Variants in NTNG1 observed in about 807,000 individuals in gnomAD.
The protein encoded by NTNG1 is netrin-G1.
Under a neutral mutation model 54.0 loss-of-function variants are expected in NTNG1, and 16 were observed. That is an observed-to-expected ratio of 0.30 (90% CI 0.20 to 0.45). NTNG1 has a LOEUF of 0.45. Among genes scored for constraint, NTNG1 ranks in the 20% least tolerant of loss-of-function variants. The pLI, the probability that NTNG1 is intolerant of heterozygous loss-of-function variation, is 1.00. For synonymous variants in NTNG1, 255 were observed against 263.1 expected (o/e 0.97, Z 0.30); for missense variants, 530 against 678.7 (o/e 0.78, Z 2.43).
chr1:107,211,025 G>A (rs534013713), intron 2 of NTNG1, among the ~76,000 whole-genome samples: 17 of 152,060 alleles, frequency 1.1e-4, no homozygotes, highest in African/African-American at 1.9e-4. Context: ...GTCTCTGAAC[G>A]TGCACTGTAC....
intron 2 of NTNG1, among the ~76,000 whole-genome samples, chr1:107,291,840 T>C (rs1665624786): frequency 1.3e-5 from 2 of 152,188 alleles, no homozygotes; most frequent in African/African-American, 4.8e-5. Flanking sequence ...AAATTTAAAC[T>C]CTGTTACATC....
At chr1:107,454,963 T>C (rs1386916318) in intron 7 of NTNG1, among the ~76,000 whole-genome samples, 5 of 152,148 alleles carry the variant, frequency 3.3e-5, no homozygotes, top group Non-Finnish European at 5.9e-5. Flanking sequence ...AGGTGCTACG[T>C]GTGAGCACAG....
chr1:107,389,472 AG>A (rs1406894773), intron 3 of NTNG1, among the ~76,000 whole-genome samples: 3 of 152,244 alleles, frequency 2.0e-5, no homozygotes, highest in Admixed American at 2.0e-4. Context: ...ACCTACTGGC[AG>A]GTGGCACAGA....
intron 2 of NTNG1, among the ~76,000 whole-genome samples, chr1:107,210,788 C>T (rs1378178917): frequency 1.3e-5 from 2 of 152,134 alleles, no homozygotes; most frequent in East Asian, 1.9e-4. Flanking sequence ...TTTGGCCTCC[C>T]TGTGCCTCTT....
At chr1:107,347,882 C>T (rs1669347522) in intron 3 of NTNG1, among the ~76,000 whole-genome samples, 1 of 152,052 alleles carries the variant, frequency 6.6e-6, no homozygotes, top group South Asian at 2.1e-4. Flanking sequence ...AACTCCCTCA[C>T]TATCATGAAA....
At chr1:107,458,784 G>A (rs1331252035) in intron 7 of NTNG1, among the ~76,000 whole-genome samples, 1 of 152,072 alleles carries the variant, frequency 6.6e-6, no homozygotes, top group African/African-American at 2.4e-5. Flanking sequence ...TATCATTTTT[G>A]CATACAAAAA....
intron 3 of NTNG1, among the ~76,000 whole-genome samples, chr1:107,331,475 A>G (rs917704940): frequency 2.6e-5 from 4 of 152,106 alleles, no homozygotes; most frequent in African/African-American, 9.7e-5. Context: ...TGTTAAGTCT[A>G]GGTGTTTTAC....
intron 5 of NTNG1, among the ~76,000 whole-genome samples, chr1:107,422,670 A>G (rs1377953902): frequency 6.6e-6 from 1 of 152,118 alleles, no homozygotes; most frequent in Non-Finnish European, 1.5e-5. Context: ...ACTCCATTTA[A>G]TGCAGTGAAG....
chr1:107,251,915 G>A (rs1662631954), intron 2 of NTNG1, among the ~76,000 whole-genome samples: 1 of 152,188 alleles, frequency 6.6e-6, no homozygotes, highest in African/African-American at 2.4e-5. Context: ...GCAGAGGAAA[G>A]CCTACATACC....
chr1:107,317,106 A>G (rs931959176), intron 2 of NTNG1, among the ~76,000 whole-genome samples: 1 of 152,208 alleles, frequency 6.6e-6, no homozygotes, highest in Admixed American at 6.5e-5. Flanking sequence ...GCGGAGAAGA[A>G]AAAAACTTTT....
intron 3 of NTNG1, 135 bp downstream of exon 3, chr1:107,325,057 G>A (rs1179777445): frequency 1.5e-5 from 13 of 861,432 alleles, no homozygotes; most frequent in Non-Finnish European, 2.1e-5. Flanking sequence ...GTAGAAGTAG[G>A]TTCTGAAGGC....
intron 3 of NTNG1, among the ~76,000 whole-genome samples, chr1:107,357,293 A>G (rs931347189): frequency 2.0e-5 from 3 of 152,196 alleles, no homozygotes; most frequent in African/African-American, 7.2e-5. Context: ...ATTAAAAAAA[A>G]TTCCTAAATT....
chr1:107,194,385 G>A (rs963138954), intron 2 of NTNG1, among the ~76,000 whole-genome samples: 1 of 151,790 alleles, frequency 6.6e-6, no homozygotes, highest in African/African-American at 2.4e-5. Context: ...AAATCAATAC[G>A]TCCTTACAGA....
chr1:107,242,917 A>T (rs1244096622), intron 2 of NTNG1, among the ~76,000 whole-genome samples: 1 of 152,236 alleles, frequency 6.6e-6, no homozygotes, highest in Admixed American at 6.5e-5. Flanking sequence ...TTATTTGAGA[A>T]GAAATAATTC....
chr1:107,455,301 T>C lies in NTNG1; in HGVS notation c.1390+18502T>C, dbSNP rs182000424. Among the ~76,000 whole-genome samples the C allele has an allele frequency of 4.1e-3, 630 of 152,298 alleles. 2 individuals are homozygous for C. The highest frequency in any genetic ancestry group is 7.2e-3 in the Non-Finnish European group (488 of 68,006). ...CTGGTGTCGAACTCCTGACCTCCAGTGATCTTCCCGCCTCAGCCTCCCAAA... is the reference window on the plus strand; with the variant it reads ...CTGGTGTCGAACTCCTGACCTCCAGCGATCTTCCCGCCTCAGCCTCCCAAA... On this transcript the variant is annotated intron_variant, in intron 7 of 7. Transcript: ENST00000370068.
Position 107,411,008 on chromosome 1 carries a change from C to A in NTNG1, c.1087+3300C>A, listed in dbSNP as rs545162990. 2.6e-5 allele frequency among the ~76,000 whole-genome samples: 4 copies of A among 152,182 alleles called. No homozygotes were observed. The South Asian group carries it at 8.3e-4, about 32-fold the overall frequency. ...AAGATCACATCAAGGAAGACCATTT[C>A]GAACTCTTGGAGTTTTGAAATAAAT... On this transcript the variant is annotated intron_variant, in intron 5 of 7. Transcript: ENST00000370068.
chr1:107,455,990 C>T lies in NTNG1; in HGVS notation c.1390+19191C>T, dbSNP rs545999887. Among the ~76,000 whole-genome samples the T allele has an allele frequency of 3.3e-5, 5 of 152,272 alleles. No individual in the cohort carries two copies. In the East Asian group the frequency reaches 9.7e-4, roughly 29 times the overall value. Reference sequence around the variant, plus strand: ...ATGGAGAGGTGCCACGAAATAATCCCTGAAGAGGTTTGAAAGGATGCACCC... The same window carrying T: ...ATGGAGAGGTGCCACGAAATAATCCTTGAAGAGGTTTGAAAGGATGCACCC... On this transcript the variant is annotated intron_variant, in intron 7 of 7. Transcript: ENST00000370068.
intron 2 of NTNG1, among the ~76,000 whole-genome samples, chr1:107,231,970 G>A (rs1175779277): frequency 6.6e-6 from 1 of 152,106 alleles, no homozygotes; most frequent in Non-Finnish European, 1.5e-5. Flanking sequence ...TACTTTGGAT[G>A]GTCTTCCTAT....
intron 3 of NTNG1, among the ~76,000 whole-genome samples, chr1:107,385,210 A>C (rs1157661934): frequency 1.3e-5 from 2 of 152,194 alleles, no homozygotes; most frequent in Non-Finnish European, 2.9e-5. Flanking sequence ...TAGGACTGGG[A>C]TCGTGGCCTC....
Sources: gnomAD v4.1 joint callset for allele counts (sites outside exome capture counted in the v4.1 genomes callset) on GRCh38, gnomAD v4.1.1 for gene constraint, MANE v1.5 for transcripts, NCBI Gene and HGNC (gene_info 2026-07-23, HGNC 2026-07-21) for gene names.